ZNF555: variants seen among roughly 807,000 people sequenced by gnomAD.
The protein encoded by ZNF555 is zinc finger protein 555.
A neutral mutation model predicts 14.0 loss-of-function variants in ZNF555; 10 were observed. That is an observed-to-expected ratio of 0.72 (90% confidence interval 0.44 to 1.21). The LOEUF (loss-of-function observed/expected upper bound fraction) is 1.21, where lower values mean the gene tolerates loss of function less well. ZNF555 is among the 50% of genes most tolerant of loss of function. ZNF555 has a pLI of 0.00. For missense variants in ZNF555, 747 were observed against 762.0 expected (o/e 0.98, Z 0.23); for synonymous variants, 277 against 262.4 (o/e 1.06, Z -0.54).
chr19:2,843,080 G>A (rs2087552161), intron 1 of ZNF555, among the ~76,000 whole-genome samples: 1 of 152,028 alleles, frequency 6.6e-6, no homozygotes, highest in Non-Finnish European at 1.5e-5. Flanking sequence ...TGAATTTCAG[G>A]AAAAAAATTA....
In ZNF555 at chr19:2,853,916, T is replaced by G. The variant is rs780318621; in HGVS notation, c.1851T>G (p.Asp617Glu). The G allele has an allele frequency of 8.7e-6, 14 of 1,613,884 alleles. No individual in the cohort carries two copies. The highest frequency in any genetic ancestry group is 1.1e-5 in the Non-Finnish European group (13 of 1,180,022). The change falls in exon 4 of 4, where the codon GAT becomes GAG. Residue 617 changes from aspartate (D) to glutamate (E), a missense_variant. Transcript: ENST00000334241. ...SASEKSHQER[D>E]LIKVVNMVLP... ...CAGAAAAGTCACACCAGGAGAGAGATCTGATCAAAGTTGTAAATATGGTGT... is the reference window on the plus strand; with the variant it reads ...CAGAAAAGTCACACCAGGAGAGAGAGCTGATCAAAGTTGTAAATATGGTGT...
In ZNF555 at chr19:2,857,630, A is replaced by G. The variant is rs572676442; in HGVS notation, c.*3678A>G. ...TCATAAGGCTACTCTTAAAATAGCA[A>G]ATTTTGTTGTATGTATATTTTAAAG... On this transcript the variant is annotated 3_prime_UTR_variant, in exon 4 of 4. Coordinates refer to ENST00000334241, the MANE Select transcript of ZNF555 (RefSeq NM_152791.5). 1 of 152,310 alleles carries G rather than the reference A, an allele frequency of 6.6e-6. No homozygotes were observed. The highest frequency in any genetic ancestry group is 1.9e-4 in the East Asian group (1 of 5,182). 9.4% of individuals were successfully genotyped at this position (152,310 alleles called of 1,614,324 possible). A position where few individuals can be genotyped will look rare whatever the true frequency, so the allele number is the denominator to read the frequency against.
In ZNF555 at chr19:2,854,759, C is replaced by T. The variant is rs2087669532; in HGVS notation, c.*807C>T. On this transcript the variant is annotated 3_prime_UTR_variant, in exon 4 of 4. Coordinates refer to ENST00000334241, the MANE Select transcript of ZNF555 (RefSeq NM_152791.5). ...CTTAAGTGCTTGATTTCCACTGTGT[C>T]AGAGGTGTAGTCTTCCTCAGACATC... The T allele has an allele frequency of 6.6e-6, 1 of 152,158 alleles. No homozygotes were observed. 9.4% of individuals were successfully genotyped at this position (152,158 alleles called of 1,614,324 possible).
At position 2,859,033 on chromosome 19, in the gene ZNF555, G is replaced by A. The variant is rs1418323031; in HGVS notation, c.*5081G>A. 1 of 152,352 alleles carries A rather than the reference G, an allele frequency of 6.6e-6. No individual in the cohort carries two copies. Among genetic ancestry groups the A allele is most frequent in the Non-Finnish European group, 1.5e-5 (1 of 68,124 alleles). The allele number at this position is 152,352 out of a possible 1,614,324, so 9.4% of individuals were successfully genotyped here. On this transcript the variant is annotated 3_prime_UTR_variant, in exon 4 of 4. Transcript: ENST00000334241. ...CAGAGCGCATGCGCCCTCCTCAGGA[G>A]CAGCCTCAAAGCGCGCAGCCTCAGC...
rs575869117 is a variant in ZNF555 at position 2,841,716 on chromosome 19, G to A, written c.3+141G>A. The A allele has an allele frequency of 2.4e-5, 25 of 1,020,902 alleles. No homozygotes were observed. The East Asian group carries it at 5.3e-4, about 21-fold the overall frequency. 63.2% of individuals were successfully genotyped at this position (1,020,902 alleles called of 1,614,324 possible). The stretch of plus-strand genomic sequence containing the variant: ...CAGGACGGGAGCCTGGGCCCCGGGG[G>A]TCCCGCCCGGCCCCGCCTCCCGCGC... On this transcript the variant is annotated intron_variant, in intron 1 of 3. Transcript: ENST00000334241.
Position 2,851,598 on chromosome 19 carries a change from T to G in ZNF555, c.261T>G (p.Ile87Met). The change falls in exon 3 of 4, where the codon ATT (isoleucine) becomes ATG (methionine). Residue 87 changes from isoleucine (I) to methionine (M), a missense_variant. Transcript: ENST00000334241. ...CCTGGGCCTCTGTTTTAGGAAAAAT[T>G]TGGGACAGTCTTAGCATCGAAGATC... Reference protein sequence around the residue: ...NVSWASVLGKIWDSLSIEDQT... With the variant: ...NVSWASVLGKMWDSLSIEDQT... 3 of 1,611,334 alleles carry G rather than the reference T, an allele frequency of 1.9e-6. No homozygotes were observed. Among genetic ancestry groups the G allele is most frequent in the South Asian group, 2.2e-5 (2 of 90,394 alleles).
intron 1 of ZNF555, among the ~76,000 whole-genome samples, chr19:2,844,697 C>T (rs1228556951): frequency 6.6e-6 from 1 of 152,196 alleles, no homozygotes; most frequent in South Asian, 2.1e-4. Flanking sequence ...GGATGAGAAC[C>T]CTCCCCAAAT....
At chr19:2,850,755 G>C (rs2087622419) in intron 2 of ZNF555, 42 bp downstream of exon 2, 1 of 1,608,418 alleles carries the variant, frequency 6.2e-7, no homozygotes, top group Non-Finnish European at 8.5e-7. Flanking sequence ...GTTATTGAGA[G>C]AACAAGTATT....
At position 2,841,492 on chromosome 19, in the gene ZNF555, C is replaced by G. The variant is rs1023473658; in HGVS notation, c.-81C>G. 6.7e-5 allele frequency: 103 copies of G among 1,542,278 alleles called. No individual in the cohort carries two copies. Among genetic ancestry groups the G allele is most frequent in the Non-Finnish European group, 8.9e-5 (102 of 1,142,418 alleles). ...ACGCCTCTGTCCTAGCCGTGAGTGC[C>G]CCGCCTGCCCCTAGCGGTCCCTGGC... On this transcript the variant is annotated 5_prime_UTR_variant, in exon 1 of 4. Transcript: ENST00000334241.
rs2087643998 is a variant in ZNF555 at position 2,852,806 on chromosome 19, C to G, written c.741C>G (p.Leu247=). The G allele has an allele frequency of 3.1e-6, 5 of 1,613,968 alleles. No homozygotes were observed. In the African/African-American group the frequency reaches 4.0e-5, roughly 13 times the overall value. The change falls in exon 4 of 4, where the codon CTC becomes CTG. Residue 247 remains leucine, a synonymous_variant. Coordinates refer to ENST00000334241, the MANE Select transcript of ZNF555 (RefSeq NM_152791.5). ...FIDFSSLTSH[L]RSHTGEKPYK... ...ACTTCTCAAGTCTTACTAGTCATCT[C>G]AGAAGTCACACCGGAGAGAAGCCAT...
rs752379888 is a variant in ZNF555, at chr19:2,853,541, C to T, written c.1476C>T (p.His492=). ...TATGTGGGAAAGCTTTCTATTGCCA[C>T]ATATCCTTACAAAAACATATGAGAA... ...CKLCGKAFYC[H]ISLQKHMRRH... is the part of the protein sequence containing the mutation. The change falls in exon 4 of 4, where the codon CAC becomes CAT. Residue 492 remains histidine (H), a synonymous_variant. Coordinates refer to ENST00000334241, the MANE Select transcript of ZNF555 (RefSeq NM_152791.5). 15 of 1,611,014 alleles carry T rather than the reference C, an allele frequency of 9.3e-6. No individual in the cohort carries two copies. The East Asian group carries it at 3.1e-4, about 34-fold the overall frequency.
At chr19:2,841,689 C>T (rs1189952959) in intron 1 of ZNF555, 114 bp downstream of exon 1, 8 of 1,286,014 alleles carry the variant, frequency 6.2e-6, no homozygotes, top group Non-Finnish European at 6.0e-6. Flanking sequence ...GCGAGGGCGG[C>T]GCAGGACGGG....
intron 1 of ZNF555, among the ~76,000 whole-genome samples, chr19:2,844,769 C>T (rs987051094): frequency 3.3e-5 from 5 of 152,178 alleles, no homozygotes; most frequent in Admixed American, 6.5e-5. Flanking sequence ...AGGTTAGGGG[C>T]CCTCAGGCCT....
At chr19:2,846,069 G>A (rs1259449023) in intron 1 of ZNF555, among the ~76,000 whole-genome samples, 3 of 152,210 alleles carry the variant, frequency 2.0e-5, no homozygotes, top group South Asian at 4.1e-4. Flanking sequence ...CCCACTGTGG[G>A]CCTCCTGTCC....
rs1418451326 is a variant in ZNF555, at chr19:2,859,292, T to C, written c.*5340T>C. The C allele has an allele frequency of 1.3e-5, 2 of 152,282 alleles. No homozygotes were observed. The highest frequency in any genetic ancestry group is 4.8e-5 in the African/African-American group (2 of 41,456). The allele number at this position is 152,282 out of a possible 1,614,324, so 9.4% of individuals were successfully genotyped here. A position where few individuals can be genotyped will look rare whatever the true frequency, so the allele number is the denominator to read the frequency against. On this transcript the variant is annotated 3_prime_UTR_variant, in exon 4 of 4. Transcript: ENST00000334241. ...GTGGTACTGGAAGTGGCGGAAGCTCTCCTCTTGCCCTCTTCAGCTTCCGGT... is the reference window on the plus strand; with the variant it reads ...GTGGTACTGGAAGTGGCGGAAGCTCCCCTCTTGCCCTCTTCAGCTTCCGGT...
intron 3 of ZNF555, 28 bp from the exon 4 acceptor site, chr19:2,852,352 A>G (rs1361358690): frequency 6.2e-7 from 1 of 1,612,710 alleles, no homozygotes; most frequent in Non-Finnish European, 8.5e-7. Context: ...ATTATTAATC[A>G]AACCAATAAC....
At position 2,853,277 on chromosome 19, in the gene ZNF555, A is replaced by G. The variant is rs1402118714; in HGVS notation, c.1212A>G (p.Ala404=). ...ATGAATGCAACCAGTGCGGGAAAGC[A>G]TTCAGTCACCCCTCCTCCTTTCGAG... ...KPYECNQCGK[A]FSHPSSFRGH... The change falls in exon 4 of 4, where the codon GCA becomes GCG. Residue 404 remains alanine, a synonymous_variant. Coordinates refer to ENST00000334241, the MANE Select transcript of ZNF555 (RefSeq NM_152791.5). The G allele has an allele frequency of 1.9e-6, 3 of 1,612,168 alleles. No homozygotes were observed. Among genetic ancestry groups the G allele is most frequent in the East Asian group, 2.2e-5 (1 of 44,748 alleles).
At position 2,853,307 on chromosome 19, in the gene ZNF555, CAT is replaced by C. The variant is rs2087652197; in HGVS notation, c.1243_1244del (p.Met415GlufsTer10). The C allele has an allele frequency of 6.2e-7, 1 of 1,613,254 alleles. No homozygotes were observed. Among genetic ancestry groups the C allele is most frequent in the Non-Finnish European group, 8.5e-7 (1 of 1,179,772 alleles). On this transcript the variant is annotated frameshift_variant, in exon 4 of 4. Coordinates refer to ENST00000334241, the MANE Select transcript of ZNF555 (RefSeq NM_152791.5). LOFTEE classifies it low-confidence loss of function (END_TRUNC). ...FSHPSSFRGH[M>X]RVHTGEKPYE... is the part of the protein sequence containing the mutation. ...GTCACCCCTCCTCCTTTCGAGGACA[CAT>C]GAGGGTGCACACTGGAGAGAAACCC...
chr19:2,849,271 T>A (rs750561635), intron 1 of ZNF555, among the ~76,000 whole-genome samples: 3 of 151,952 alleles, frequency 2.0e-5, no homozygotes, highest in Non-Finnish European at 4.4e-5. Flanking sequence ...ATATGCAATA[T>A]GGAAATAATG....
Sources: allele counts gnomAD v4.1 joint callset (sites outside exome capture counted in the v4.1 genomes callset), GRCh38; gene constraint gnomAD v4.1.1; transcripts MANE v1.5; gene names NCBI Gene and HGNC (gene_info 2026-07-23, HGNC 2026-07-21).